Variants in TSPAN15 observed in about 807,000 individuals in gnomAD.
The protein encoded by TSPAN15 is tetraspanin 15.
Under a neutral mutation model 34.5 loss-of-function variants are expected in TSPAN15, and 20 were observed. The observed-to-expected ratio is 0.58, with a 90% CI of 0.41 to 0.84. The LOEUF (loss-of-function observed/expected upper bound fraction) is 0.84, where lower values mean the gene tolerates loss of function less well. Among genes scored for constraint, TSPAN15 ranks in the 40% least tolerant of loss-of-function variants. The probability of loss-of-function intolerance (pLI) is 0.00; values close to 1 mark genes in which losing one functional copy is unlikely to be tolerated. For missense variants in TSPAN15, 313 were observed against 386.1 expected (o/e 0.81, Z 1.59); for synonymous variants, 155 against 153.9 (o/e 1.01, Z -0.05).
chr10:69,471,674 A>G lies in TSPAN15; in HGVS notation c.97-12017A>G, dbSNP rs921954032. On this transcript the variant is annotated intron_variant, in intron 1 of 7. Transcript: ENST00000373290. ...CAGTATTGCAATCTCGGCTCACTGC[A>G]GTCTTGATCTGAGCTCAGGCCATCC... Among the ~76,000 whole-genome samples the G allele has an allele frequency of 2.0e-4, 28 of 139,926 alleles. No homozygotes were observed. In the East Asian group the frequency reaches 6.1e-3, roughly 31 times the overall value. The allele number at this position is 139,926 out of a possible 152,430, so 91.8% of individuals were successfully genotyped here.
the TSPAN15 span, among the ~76,000 whole-genome samples, chr10:69,530,036 C>A: frequency 6.8e-6 from 1 of 147,870 alleles, no homozygotes; most frequent in Non-Finnish European, 1.5e-5. Context: ...TTTTTTATGG[C>A]AGAGTAATAT....
Position 69,483,779 on chromosome 10 carries a change from C to T in TSPAN15, c.185C>T (p.Pro62Leu). 1 of 1,614,200 alleles carries T rather than the reference C, an allele frequency of 6.2e-7. No homozygotes were observed. Among genetic ancestry groups the T allele is most frequent in the Non-Finnish European group, 8.5e-7 (1 of 1,180,038 alleles). Residue 62 changes from proline to leucine, a missense_variant, in exon 2 of 8, where the codon CCA becomes CTA. Transcript: ENST00000373290. ...ACCCTTGAAAGTGCCTTCCTGGCTC[C>T]AGCCATCATCCTCATCCTCCTGGGC... The part of the protein sequence containing the change: ...YKTLESAFLA[P>L]AIILILLGVV...
At chr10:69,520,635 G>A in the TSPAN15 span, among the ~76,000 whole-genome samples, 2 of 152,298 alleles carry the variant, frequency 1.3e-5, no homozygotes, top group East Asian at 1.9e-4. Flanking sequence ...CTGCCTGGGC[G>A]ACAGAGCAAG....
Position 69,451,537 on chromosome 10 carries a change from T to G in TSPAN15, c.-58T>G. 7.6e-7 allele frequency: 1 copy of G among 1,323,190 alleles called. No homozygotes were observed. The highest frequency in any genetic ancestry group is 9.7e-7 in the Non-Finnish European group (1 of 1,034,388). 82.0% of individuals were successfully genotyped at this position (1,323,190 alleles called of 1,614,324 possible). A position where few individuals can be genotyped will look rare whatever the true frequency, so the allele number is the denominator to read the frequency against. On this transcript the variant is annotated 5_prime_UTR_variant, in exon 1 of 8. Transcript: ENST00000373290. Reference sequence around the variant, plus strand: ...CGCAGGTGGGGCCACGAGCGCTGGCTGAGGGACCGAGCCGGAGAGCCCCGG... The same window carrying G: ...CGCAGGTGGGGCCACGAGCGCTGGCGGAGGGACCGAGCCGGAGAGCCCCGG...
the TSPAN15 span, among the ~76,000 whole-genome samples, chr10:69,517,326 C>T: frequency 2.3e-3 from 355 of 152,340 alleles, 2 homozygotes; most frequent in African/African-American, 6.4e-3. Context: ...GCTAAGCCTG[C>T]GCTTGAGGCA....
At chr10:69,496,996 T>G (rs1417215300) in intron 4 of TSPAN15, among the ~76,000 whole-genome samples, 3 of 152,224 alleles carry the variant, frequency 2.0e-5, no homozygotes, top group Non-Finnish European at 2.9e-5. Flanking sequence ...GAGTGCTTCA[T>G]GCATGGCACT....
chr10:69,519,686 A>AT, the TSPAN15 span, among the ~76,000 whole-genome samples: 3 of 151,932 alleles, frequency 2.0e-5, no homozygotes, highest in Admixed American at 1.3e-4. Context: ...TTTTTGGTGA[A>AT]TTTTTTTTAT....
chr10:69,495,665 C>T lies in TSPAN15; in HGVS notation c.429C>T (p.Asn143=). 1.9e-6 allele frequency: 3 copies of T among 1,613,954 alleles called. No individual in the cohort carries two copies. The highest frequency in any genetic ancestry group is 8.5e-7 in the Non-Finnish European group (1 of 1,179,818). The part of the protein sequence containing the change: ...ENYYDDLDFK[N]IMDFVQKKFK... ...ACTATGATGATCTGGACTTCAAAAA[C>T]ATCATGGACTTTGTTCAGAAAAAGG... is the stretch of plus-strand genomic sequence containing the variant. The change falls in exon 4 of 8, where the codon AAC becomes AAT. Residue 143 remains asparagine, a synonymous_variant. Transcript: ENST00000373290.
intron 3 of TSPAN15, among the ~76,000 whole-genome samples, chr10:69,489,820 CAGG>C (rs1452123802): frequency 1.3e-5 from 2 of 152,252 alleles, no homozygotes; most frequent in African/African-American, 4.8e-5. Context: ...CCCTTAGGAG[CAGG>C]AGAAGTACGA....
chr10:69,451,777 T>G, intron 1 of TSPAN15, 87 bp downstream of exon 1: 1 of 1,120,196 alleles, frequency 8.9e-7, no homozygotes. Context: ...GGTCCACACT[T>G]AGCCGCTCCA....
downstream of TSPAN15, among the ~76,000 whole-genome samples, chr10:69,508,076 A>G (rs538650956): frequency 5.9e-5 from 9 of 152,144 alleles, no homozygotes; most frequent in East Asian, 1.6e-3. Context: ...GCGTCAGTCC[A>G]CTCAAACCTT....
At chr10:69,458,528 C>A (rs1480269247) in intron 1 of TSPAN15, among the ~76,000 whole-genome samples, 1 of 152,130 alleles carries the variant, frequency 6.6e-6, no homozygotes, top group East Asian at 1.9e-4. Context: ...GGTAAGCATT[C>A]CAAATAGTGA....
chr10:69,514,971 T>A, the TSPAN15 span, among the ~76,000 whole-genome samples: 4 of 152,174 alleles, frequency 2.6e-5, no homozygotes, highest in Admixed American at 2.6e-4. Flanking sequence ...TTCTTGGACC[T>A]CCCTAATTAG....
chr10:69,537,761 T>C, the TSPAN15 span, among the ~76,000 whole-genome samples: 1 of 152,258 alleles, frequency 6.6e-6, no homozygotes, highest in East Asian at 1.9e-4. Flanking sequence ...CGTGATTCCG[T>C]CCCTAACAGG....
chr10:69,482,288 T>C (rs1410521016), intron 1 of TSPAN15, among the ~76,000 whole-genome samples: 1 of 152,182 alleles, frequency 6.6e-6, no homozygotes, highest in Admixed American at 6.5e-5. Flanking sequence ...GGAAGAGCAT[T>C]CCAGGCAGTT....
intron 1 of TSPAN15, among the ~76,000 whole-genome samples, chr10:69,478,917 G>A (rs576060916): frequency 6.6e-6 from 1 of 152,336 alleles, no homozygotes; most frequent in East Asian, 1.9e-4. Context: ...TGACAAAATT[G>A]CAGGTGCCGT....
At chr10:69,545,831 C>G in the TSPAN15 span, among the ~76,000 whole-genome samples, 1 of 152,146 alleles carries the variant, frequency 6.6e-6, no homozygotes, top group Non-Finnish European at 1.5e-5. Flanking sequence ...TGGTGGGCAC[C>G]TGTAATCCCA....
At chr10:69,494,851 C>G in intron 3 of TSPAN15, 3 of 985,600 alleles carry the variant, frequency 3.0e-6, no homozygotes, top group Non-Finnish European at 3.6e-6. Flanking sequence ...CTCCTGCCCC[C>G]GCCCCTTCCC....
the TSPAN15 span, among the ~76,000 whole-genome samples, chr10:69,528,097 C>G: frequency 0.56 from 81,625 of 146,952 alleles, 25,970 homozygotes; most frequent in African/African-American, 0.65. Flanking sequence ...TACCAAGGGC[C>G]AATCAGGTGT....
Sources: gnomAD v4.1 joint callset for allele counts (sites outside exome capture counted in the v4.1 genomes callset) on GRCh38, gnomAD v4.1.1 for gene constraint, MANE v1.5 for transcripts, NCBI Gene and HGNC (gene_info 2026-07-23, HGNC 2026-07-21) for gene names.